F11R: variants seen among roughly 807,000 people sequenced by gnomAD.
The protein encoded by F11R is F11 receptor.
F11R carries 27 observed loss-of-function variants against 39.3 expected under a neutral mutation model. The observed-to-expected ratio is 0.69, with a 90% CI of 0.51 to 0.95. F11R has a LOEUF of 0.95. Among genes scored for constraint, F11R ranks in the 40% least tolerant of loss-of-function variants. F11R has a pLI of 0.00. For missense variants in F11R, 335 were observed against 372.7 expected (o/e 0.90, Z 0.83); for synonymous variants, 131 against 144.9 (o/e 0.90, Z 0.69).
chr1:161,004,520 T>A lies in F11R; in HGVS notation c.65-3167A>T, dbSNP rs542753645. ...TGAGATTGTGACACTACATTCCAGC[T>A]TGGGCAACAAAGTGAGACTCCGTCT... On this transcript the variant is annotated intron_variant, in intron 1 of 9. Transcript: ENST00000368026. Among the ~76,000 whole-genome samples, 10 of 151,908 alleles carry A rather than the reference T, an allele frequency of 6.6e-5. No individual in the cohort carries two copies. The South Asian group carries it at 2.1e-3, about 32-fold the overall frequency.
intron 1 of F11R, among the ~76,000 whole-genome samples, chr1:161,004,877 G>C (rs952333640): frequency 6.6e-6 from 1 of 151,630 alleles, no homozygotes; most frequent in Non-Finnish European, 1.5e-5. Context: ...AATAGATATG[G>C]AGGCTGAGCA....
chr1:161,001,453 A>T, intron 1 of F11R, 100 bp from the exon 2 acceptor site: 1 of 956,764 alleles, frequency 1.0e-6, no homozygotes, highest in South Asian at 1.4e-5. Context: ...CCATTCACAG[A>T]CCCTAAGAGG....
Position 161,021,088 on chromosome 1 carries a change from C to T in F11R, c.-15G>A, listed in dbSNP as rs28365978. The T allele has an allele frequency of 0.54, 863,224 of 1,602,284 alleles. 236,385 individuals are homozygous for T. The highest frequency in any genetic ancestry group is 0.71 in the African/African-American group (53,248 of 74,516). ...TTTGTCCCCATCGCGATCAGGCTCC[C>T]GACACAACAGCCGCCGAAGGACTCC... is the stretch of plus-strand genomic sequence containing the variant. On this transcript the variant is annotated 5_prime_UTR_variant, in exon 1 of 10. Coordinates refer to ENST00000368026, the MANE Select transcript of F11R (RefSeq NM_016946.6).
In F11R at chr1:160,999,706, T is replaced by C. The variant is rs1451426612; in HGVS notation, c.736A>G (p.Thr246Ala). The change falls in exon 7 of 10, where the codon ACC becomes GCC. Residue 246 changes from threonine to alanine, a missense_variant. Transcript: ENST00000368026. ...ACCAAGATTCCCAGGAGAATCAGGG[T>C]TACAAGGACGGCTGCCACGATGACC... ...VGVIVAAVLVTLILLGILVFG... is the reference protein window; with the variant it reads ...VGVIVAAVLVALILLGILVFG... 6.2e-7 allele frequency: 1 copy of C among 1,613,768 alleles called. No individual in the cohort carries two copies. The highest frequency in any genetic ancestry group is 8.5e-7 in the Non-Finnish European group (1 of 1,179,960).
Position 160,998,714 on chromosome 1 carries a change from T to C in F11R, c.*157A>G. On this transcript the variant is annotated 3_prime_UTR_variant, in exon 10 of 10. Coordinates refer to ENST00000368026, the MANE Select transcript of F11R (RefSeq NM_016946.6). The stretch of plus-strand genomic sequence containing the variant: ...AGGGCATGAAGGAGGATGGGGCACA[T>C]AGCTGACATTATTAAAAACACATCC... 1.5e-6 allele frequency: 1 copy of C among 682,942 alleles called. No homozygotes were observed. Among genetic ancestry groups the C allele is most frequent in the Admixed American group, 2.6e-5 (1 of 38,936 alleles). 42.3% of individuals were successfully genotyped at this position (682,942 alleles called of 1,614,324 possible).
rs548129406 is a variant in F11R at position 161,000,480 on chromosome 1, A to C, written c.389-132T>G. ...CTCACCATGCCCCTGGCTGCCACCT[A>C]ACCAGGGGCTCATCTCCCTCTCTGG... On this transcript the variant is annotated intron_variant, in intron 4 of 9. Transcript: ENST00000368026. The C allele has an allele frequency of 2.9e-6, 4 of 1,402,786 alleles. 1 individual carries two copies. In the South Asian group the frequency reaches 5.0e-5, roughly 18 times the overall value. The allele number at this position is 1,402,786 out of a possible 1,614,324, so 86.9% of individuals were successfully genotyped here.
At chr1:161,012,984 T>C (rs1458379129) in intron 1 of F11R, among the ~76,000 whole-genome samples, 2 of 152,188 alleles carry the variant, frequency 1.3e-5, no homozygotes, top group African/African-American at 4.8e-5. Flanking sequence ...GTTTGTTATA[T>C]AGATGAATTA....
intron 8 of F11R, 63 bp from the exon 9 acceptor site, chr1:160,999,154 C>T: frequency 1.2e-6 from 2 of 1,607,046 alleles, no homozygotes; most frequent in Non-Finnish European, 1.7e-6. Flanking sequence ...CTCCCCTTGC[C>T]AACTTTAAAG....
At chr1:161,000,607 A>G in intron 4 of F11R, 24 bp downstream of exon 4, 1 of 1,614,046 alleles carries the variant, frequency 6.2e-7, no homozygotes, top group Non-Finnish European at 8.5e-7. Context: ...CTCCAGGCCC[A>G]CCCAGAAGAC....
At chr1:161,009,715 C>T (rs1036686554) in intron 1 of F11R, among the ~76,000 whole-genome samples, 1 of 151,934 alleles carries the variant, frequency 6.6e-6, no homozygotes, top group African/African-American at 2.4e-5. Flanking sequence ...CGCCTATAAT[C>T]CCAGCACTTT....
chr1:161,000,988 T>C (rs1648447406), intron 3 of F11R, 32 bp downstream of exon 3: 1 of 1,575,622 alleles, frequency 6.3e-7, no homozygotes, highest in African/African-American at 1.3e-5. Context: ...CTCCACAACC[T>C]AGGCAATCAG....
At position 160,995,872 on chromosome 1, in the gene F11R, GAAC is replaced by G. The variant is rs1648089115; in HGVS notation, c.*2996_*2998del. The G allele has an allele frequency of 6.6e-6, 1 of 152,016 alleles. No homozygotes were observed. The highest frequency in any genetic ancestry group is 2.1e-4 in the South Asian group (1 of 4,814). The allele number at this position is 152,016 out of a possible 1,614,324, so 9.4% of individuals were successfully genotyped here. On this transcript the variant is annotated 3_prime_UTR_variant, in exon 10 of 10. Coordinates refer to ENST00000368026, the MANE Select transcript of F11R (RefSeq NM_016946.6). ...TTTGAAGAAAATAAAAAAACGACAG[GAAC>G]AACAAACACATCCTTAACACTCAAT...
At chr1:161,008,497 G>A (rs1248258314) in intron 1 of F11R, among the ~76,000 whole-genome samples, 6 of 149,628 alleles carry the variant, frequency 4.0e-5, no homozygotes, top group Admixed American at 3.3e-4. Flanking sequence ...GCGAGACCCC[G>A]TCTCAAAAAA....
At chr1:161,005,894 T>C (rs1229408644) in intron 1 of F11R, among the ~76,000 whole-genome samples, 1 of 152,030 alleles carries the variant, frequency 6.6e-6, no homozygotes, top group African/African-American at 2.4e-5. Context: ...ATCCCAGCAC[T>C]TTGGGAGGCT....
At chr1:161,001,389 T>C (rs912436458) in intron 1 of F11R, 36 bp from the exon 2 acceptor site, 34 of 1,582,000 alleles carry the variant, frequency 2.1e-5, no homozygotes, top group Non-Finnish European at 2.9e-5. Context: ...CTGTCAGGAG[T>C]GGACAGAGAA....
chr1:161,002,941 ACT>A (rs1176733719), intron 1 of F11R, among the ~76,000 whole-genome samples: 1 of 141,424 alleles, frequency 7.1e-6, no homozygotes, highest in African/African-American at 2.7e-5. Flanking sequence ...CTCTTATTAT[ACT>A]CTCTATTTAT....
chr1:161,004,773 GAAAA>G (rs893836851), intron 1 of F11R, among the ~76,000 whole-genome samples: 1 of 149,172 alleles, frequency 6.7e-6, no homozygotes, highest in African/African-American at 2.5e-5. Context: ...TAGGTTTAAT[GAAAA>G]AAAAACTAAT....
chr1:161,009,803 T>C (rs1649028464), intron 1 of F11R, among the ~76,000 whole-genome samples: 1 of 151,878 alleles, frequency 6.6e-6, no homozygotes, highest in African/African-American at 2.4e-5. Flanking sequence ...ATTACAAAAA[T>C]TAGCCAGGCA....
chr1:160,999,775 A>G (rs374519076), intron 6 of F11R, 28 bp from the exon 7 acceptor site: 1 of 1,611,708 alleles, frequency 6.2e-7, no homozygotes, highest in Non-Finnish European at 8.5e-7. Flanking sequence ...GAAGTCAGGC[A>G]CGGGGATACT....
Sources: gnomAD v4.1 joint callset for allele counts (sites outside exome capture counted in the v4.1 genomes callset) on GRCh38, gnomAD v4.1.1 for gene constraint, MANE v1.5 for transcripts, NCBI Gene and HGNC (gene_info 2026-07-23, HGNC 2026-07-21) for gene names.